Variants in NT5DC2 observed in about 807,000 individuals in gnomAD.
The protein encoded by NT5DC2 is 5'-nucleotidase domain-containing protein 2.
In NT5DC2, 41 loss-of-function variants were observed where a neutral mutation model predicts 70.0. That is an observed-to-expected ratio of 0.59 (90% CI 0.46 to 0.76). The LOEUF (loss-of-function observed/expected upper bound fraction) is 0.76, where lower values mean the gene tolerates loss of function less well. NT5DC2 is among the 30% of genes least tolerant of loss of function. The pLI, the probability that NT5DC2 is intolerant of heterozygous loss-of-function variation, is 0.00. For missense variants in NT5DC2, 705 were observed against 783.2 expected (o/e 0.90, Z 1.19); for synonymous variants, 299 against 310.4 (o/e 0.96, Z 0.39).
At chr3:52,527,230 A>G (rs2079289259) in intron 10 of NT5DC2, 64 bp downstream of exon 10, 1 of 1,493,884 alleles carries the variant, frequency 6.7e-7, no homozygotes, top group Non-Finnish European at 9.3e-7. Context: ...GCCTCTGCAC[A>G]GCCTGGGGCC....
At chr3:52,526,514 C>T (rs139439319) in intron 10 of NT5DC2, 2 of 152,414 alleles carry the variant, frequency 1.3e-5, no homozygotes, top group African/African-American at 4.8e-5. Context: ...ACCTCAACAC[C>T]AGTCCCTCTC....
rs34005367 is a variant in NT5DC2 at position 52,524,888 on chromosome 3, A to T, written c.1348-7T>A. ...ACTCCGCGTCCTGATAGGTCTGGGG[A>T]CACAAAGTGTGCATTGGGTGTGTGC... On this transcript the variant is annotated splice_polypyrimidine_tract_variant and splice_region_variant and intron_variant, in intron 12 of 13. Transcript: ENST00000422318. 688,677 of 1,612,204 alleles carry T rather than the reference A, an allele frequency of 0.43. 152,047 individuals carry two copies. Among genetic ancestry groups the T allele is most frequent in the Admixed American group, 0.53 (31,998 of 59,990 alleles).
chr3:52,525,869 C>A (rs892041403), intron 10 of NT5DC2: 1 of 153,384 alleles, frequency 6.5e-6, no homozygotes, highest in African/African-American at 2.4e-5. Context: ...ATAATTGACA[C>A]CCAGCAAGCA....
At chr3:52,525,342 C>A in intron 10 of NT5DC2, 47 bp from the exon 11 acceptor site, 1 of 1,462,426 alleles carries the variant, frequency 6.8e-7, no homozygotes, top group South Asian at 1.2e-5. Flanking sequence ...GCCTTGTCCT[C>A]CACCAGTCCT....
chr3:52,533,214 C>T (rs1361979211), intron 1 of NT5DC2, among the ~76,000 whole-genome samples: 2 of 152,186 alleles, frequency 1.3e-5, no homozygotes. Context: ...GGCGGGACCC[C>T]GAAGGAAGTC....
At chr3:52,528,779 C>A (rs2079318943) in intron 3 of NT5DC2, 82 bp downstream of exon 3, 12 of 1,600,586 alleles carry the variant, frequency 7.5e-6, no homozygotes, top group Non-Finnish European at 1.0e-5. Flanking sequence ...ATGCCAGAAC[C>A]CCAGCTGGAT....
At chr3:52,532,002 C>A (rs987876148) in intron 1 of NT5DC2, among the ~76,000 whole-genome samples, 1 of 152,146 alleles carries the variant, frequency 6.6e-6, no homozygotes, top group African/African-American at 2.4e-5. Context: ...GCATTAATCA[C>A]TCTGCCTCTC....
upstream of NT5DC2, chr3:52,534,872 G>C: frequency 1.7e-6 from 1 of 577,956 alleles, no homozygotes. Context: ...CATGGCCTGG[G>C]GACTGGTAAG....
At position 52,527,657 on chromosome 3, in the gene NT5DC2, C is replaced by G; in HGVS notation, c.997G>C (p.Val333Leu). Residue 333 changes from valine to leucine, a missense_variant, in exon 9 of 14, where the codon GTC (valine) becomes CTC (leucine). Transcript: ENST00000422318. The part of the protein sequence containing the change: ...DWRQLFDVVI[V>L]QADKPSFFTD... Reference sequence around the variant, plus strand: ...AAGAAGCTGGGCTTGTCTGCCTGGACAATGACCACATCGAAGAGCTGGCGC... The same window carrying G: ...AAGAAGCTGGGCTTGTCTGCCTGGAGAATGACCACATCGAAGAGCTGGCGC... 6.2e-7 allele frequency: 1 copy of G among 1,613,196 alleles called. No individual in the cohort carries two copies. The highest frequency in any genetic ancestry group is 8.5e-7 in the Non-Finnish European group (1 of 1,180,032).
chr3:52,530,167 C>T (rs1463961066), intron 1 of NT5DC2, among the ~76,000 whole-genome samples: 1 of 152,218 alleles, frequency 6.6e-6, no homozygotes, highest in African/African-American at 2.4e-5. Context: ...CTAATTACGA[C>T]AGTCAGGACG....
upstream of NT5DC2, chr3:52,534,122 C>G (rs2079399656): frequency 1.8e-5 from 5 of 284,230 alleles, no homozygotes; most frequent in South Asian, 1.6e-4. Context: ...GCCGAGGCGC[C>G]GAGAGGAGAC....
Position 52,533,614 on chromosome 3 carries a change from G to A in NT5DC2, c.124C>T (p.His42Tyr), listed in dbSNP as rs376765486. The A allele has an allele frequency of 1.6e-6, 2 of 1,237,726 alleles. No individual in the cohort carries two copies. 76.7% of individuals were successfully genotyped at this position (1,237,726 alleles called of 1,614,324 possible). The part of the protein sequence containing the change: ...PGCGPPGPGA[H>Y]CPGVPRSAPA... ...GCGGAGCGCGGGACGCCGGGGCAGT[G>A]GGCGCCGGGACCCGGGGGGCCGCAC... Residue 42 changes from histidine to tyrosine, a missense_variant, in exon 1 of 14, where the codon CAC becomes TAC. Physicochemically the swap from His to Tyr is moderately conservative, Grantham distance 83 (BLOSUM62 2). Transcript: ENST00000422318.
upstream of NT5DC2, chr3:52,534,488 C>T (rs779711428): frequency 1.6e-5 from 26 of 1,611,954 alleles, 1 homozygote; most frequent in Middle Eastern, 2.0e-3. Flanking sequence ...GGGCCACGGT[C>T]ACTGCGCCCG....
rs2079386754 is a variant in NT5DC2 at position 52,533,415 on chromosome 3, T to C, written c.232+91A>G. 7.5e-6 allele frequency: 10 copies of C among 1,338,982 alleles called. No individual in the cohort carries two copies. The South Asian group carries it at 1.3e-4, about 18-fold the overall frequency. 82.9% of individuals were successfully genotyped at this position (1,338,982 alleles called of 1,614,324 possible). On this transcript the variant is annotated intron_variant, in intron 1 of 13. Coordinates refer to ENST00000422318, the MANE Select transcript of NT5DC2 (RefSeq NM_001134231.2). ...GGGCCCTGGCGAGCCCCACTGGGTGTTTCCCCGGAGGAGCGGCACCCTGGG... is the reference window on the plus strand; with the variant it reads ...GGGCCCTGGCGAGCCCCACTGGGTGCTTCCCCGGAGGAGCGGCACCCTGGG...
At position 52,529,013 on chromosome 3, in the gene NT5DC2, A is replaced by G; in HGVS notation, c.418-78T>C. 3 of 1,591,686 alleles carry G rather than the reference A, an allele frequency of 1.9e-6. No homozygotes were observed. The highest frequency in any genetic ancestry group is 2.2e-5 in the South Asian group (2 of 90,554). ...GCTGGGTGGCCACCCCAGGGGGTCA[A>G]TCCAGCCACCTGCCCAGGGCAGCTG... is the stretch of plus-strand genomic sequence containing the variant. On this transcript the variant is annotated intron_variant, in intron 2 of 13. Coordinates refer to ENST00000422318, the MANE Select transcript of NT5DC2 (RefSeq NM_001134231.2). This position sits in a 1 kb window ranked among gnomAD's most constrained non-coding sequence, Gnocchi z 4.1.
At position 52,524,570 on chromosome 3, in the gene NT5DC2, C is replaced by G; in HGVS notation, c.1574G>C (p.Arg525Pro). ...NYRVDFTFYP[R>P]RTPLQHEAPL... Reference sequence around the variant, plus strand: ...TGCCTCGTGCTGCAGCGGCGTACGGCGTGGGTAGAAGGTGAAGTCCACGCG... The same window carrying G: ...TGCCTCGTGCTGCAGCGGCGTACGGGGTGGGTAGAAGGTGAAGTCCACGCG... The change falls in exon 14 of 14, where the codon CGC becomes CCC. Residue 525 changes from arginine (R) to proline (P), a missense_variant. Physicochemically the swap from Arg to Pro is moderately radical, Grantham distance 103. Transcript: ENST00000422318. The G allele has an allele frequency of 6.2e-7, 1 of 1,613,084 alleles. No individual in the cohort carries two copies. The highest frequency in any genetic ancestry group is 8.5e-7 in the Non-Finnish European group (1 of 1,180,032).
Position 52,529,073 on chromosome 3 carries a change from G to A in NT5DC2, c.417+77C>T, listed in dbSNP as rs1262643389. 1 of 1,597,286 alleles carries A rather than the reference G, an allele frequency of 6.3e-7. No individual in the cohort carries two copies. Among genetic ancestry groups the A allele is most frequent in the Non-Finnish European group, 8.6e-7 (1 of 1,166,646 alleles). ...AGGGCCAGGGGAGCCCCACGACTCA[G>A]CCCTGAGCTTAGGCCAAGGTGGGTC... On this transcript the variant is annotated intron_variant, in intron 2 of 13. Coordinates refer to ENST00000422318, the MANE Select transcript of NT5DC2 (RefSeq NM_001134231.2). This position sits in a 1 kb window ranked among gnomAD's most constrained non-coding sequence, Gnocchi z 4.1.
rs1167005050 is a variant in NT5DC2, at chr3:52,529,184, C to G, written c.383G>C (p.Ser128Thr). Residue 128 changes from serine (S) to threonine (T), a missense_variant, in exon 2 of 14, where the codon AGT becomes ACT. Ser to Thr is a moderately conservative substitution (Grantham distance 58). Transcript: ENST00000422318. The surrounding 1 kb of genome is among the most constrained non-coding windows in gnomAD (Gnocchi z 4.1). ...CTCGATCAGGATGTCACGGGCGGTA[C>G]TGAAGATCTCGGGGTGCAGTGCGTC... ...YADALHPEIFSTARDILIEHY... is the reference protein window; with the variant it reads ...YADALHPEIFTTARDILIEHY... The G allele has an allele frequency of 3.1e-6, 5 of 1,614,142 alleles. No homozygotes were observed. Among genetic ancestry groups the G allele is most frequent in the Non-Finnish European group, 4.2e-6 (5 of 1,180,000 alleles).
chr3:52,528,606 C>CGGGGGTGGGGGGGGG, intron 4 of NT5DC2, 31 bp downstream of exon 4: 1 of 156,036 alleles, frequency 6.4e-6, no homozygotes, highest in Admixed American at 8.5e-5. Context: ...TAGGGTGGGG[C>CGGGGGTGGGGGGGGG]GGGGGTGGGG....
Sources: gnomAD v4.1 joint callset for allele counts (sites outside exome capture counted in the v4.1 genomes callset) on GRCh38, gnomAD v4.1.1 for gene constraint, Gnocchi (gnomAD v3.1) non-coding constraint, MANE v1.5 for transcripts, NCBI Gene and HGNC (gene_info 2026-07-23, HGNC 2026-07-21) for gene names.